The following MAF variants were observed in gnomAD, a reference collection of about 807,000 sequenced individuals.
MAF encodes the protein transcription factor Maf.
A neutral mutation model predicts 22.0 loss-of-function variants in MAF; 10 were observed. The ratio of observed to expected loss-of-function variants is 0.45; its 90% CI spans 0.28 to 0.77. The LOEUF (loss-of-function observed/expected upper bound fraction) is 0.77. Among genes scored for constraint, MAF ranks in the 30% least tolerant of loss-of-function variants. The pLI, the probability that MAF is intolerant of heterozygous loss-of-function variation, is 0.12. For missense variants in MAF, 544 were observed against 548.4 expected (o/e 0.99, Z 0.08); for synonymous variants, 337 against 255.8 (o/e 1.32, Z -3.03).
chr16:79,364,812 T>A, the MAF span, among the ~76,000 whole-genome samples: 1 of 152,200 alleles, frequency 6.6e-6, no homozygotes, highest in Admixed American at 6.5e-5. Flanking sequence ...AACTATTGCA[T>A]GTGTAGAATG....
the MAF span, among the ~76,000 whole-genome samples, chr16:79,326,216 C>G: frequency 3.3e-5 from 5 of 152,124 alleles, no homozygotes; most frequent in African/African-American, 9.7e-5. Context: ...AGAATTTATG[C>G]CTCCCTGCAG....
the MAF span, among the ~76,000 whole-genome samples, chr16:79,251,316 CTT>C: frequency 7.6e-6 from 1 of 131,702 alleles, no homozygotes; most frequent in Non-Finnish European, 1.6e-5. Flanking sequence ...AAGTCTTTAT[CTT>C]TTTTTTTTTT....
At chr16:79,262,443 C>G in the MAF span, among the ~76,000 whole-genome samples, 3 of 152,158 alleles carry the variant, frequency 2.0e-5, no homozygotes, top group African/African-American at 7.2e-5. Context: ...GCTAGATGCT[C>G]TGGACCTGGG....
At chr16:79,291,069 C>T in the MAF span, among the ~76,000 whole-genome samples, 1 of 152,176 alleles carries the variant, frequency 6.6e-6, no homozygotes, top group Non-Finnish European at 1.5e-5. Flanking sequence ...CTTTTTTCCA[C>T]ATCTCCCATA....
the MAF span, among the ~76,000 whole-genome samples, chr16:79,524,700 C>A: frequency 6.6e-6 from 1 of 152,096 alleles, no homozygotes; most frequent in African/African-American, 2.4e-5. Flanking sequence ...TTTCACTGGC[C>A]AAATATAGAA....
chr16:79,378,583 G>C, the MAF span, among the ~76,000 whole-genome samples: 2 of 152,124 alleles, frequency 1.3e-5, no homozygotes, highest in East Asian at 3.9e-4. Flanking sequence ...ATTCAAAATA[G>C]AGATAATGCT....
At chr16:79,261,048 G>A in the MAF span, among the ~76,000 whole-genome samples, 1 of 152,128 alleles carries the variant, frequency 6.6e-6, no homozygotes, top group Non-Finnish European at 1.5e-5. Context: ...GAGGGCTGGG[G>A]CTGCAGGCGA....
At chr16:79,436,885 C>T in the MAF span, among the ~76,000 whole-genome samples, 9 of 152,322 alleles carry the variant, frequency 5.9e-5, no homozygotes, top group East Asian at 1.9e-4. Context: ...CAACACTTAG[C>T]GCAGGCAGGC....
At chr16:79,580,843 A>G (rs1157453636), downstream of MAF, among the ~76,000 whole-genome samples, 1 of 152,186 alleles carries the variant, frequency 6.6e-6, no homozygotes, top group Non-Finnish European at 1.5e-5. Context: ...GAAAAATTTT[A>G]AAATAAGAAG....
chr16:79,591,449 A>G (rs976131961), downstream of MAF, among the ~76,000 whole-genome samples: 2 of 152,172 alleles, frequency 1.3e-5, no homozygotes, highest in African/African-American at 2.4e-5. Context: ...GAGGAATGTG[A>G]TTTTGCAATC....
chr16:79,281,406 A>T, the MAF span, among the ~76,000 whole-genome samples: 1 of 152,316 alleles, frequency 6.6e-6, no homozygotes, highest in South Asian at 2.1e-4. Context: ...AAAGAGAGCC[A>T]TAGGGTACTT....
chr16:79,385,598 G>A, the MAF span, among the ~76,000 whole-genome samples: 2 of 152,154 alleles, frequency 1.3e-5, no homozygotes, highest in Non-Finnish European at 2.9e-5. Flanking sequence ...TTAAAAGTTT[G>A]TTAATTAATA....
intron 1 of MAF, chr16:79,598,375 A>G (rs1913699185): frequency 8.4e-7 from 1 of 1,187,772 alleles, no homozygotes; most frequent in Non-Finnish European, 1.1e-6. Flanking sequence ...GCAGGCTTCA[A>G]AGGTGATCAA....
the MAF span, among the ~76,000 whole-genome samples, chr16:79,535,873 A>T: frequency 6.6e-6 from 1 of 152,142 alleles, no homozygotes; most frequent in African/African-American, 2.4e-5. Context: ...ACCCGGCTGC[A>T]TTGCTACTTT....
At chr16:79,543,927 C>A in the MAF span, among the ~76,000 whole-genome samples, 1 of 152,104 alleles carries the variant, frequency 6.6e-6, no homozygotes, top group African/African-American at 2.4e-5. Context: ...ACCTCGTGAT[C>A]CACCCGCCTC....
the MAF span, among the ~76,000 whole-genome samples, chr16:79,503,561 G>C: frequency 6.6e-6 from 1 of 152,118 alleles, no homozygotes; most frequent in African/African-American, 2.4e-5. Context: ...GCCTTCTTTT[G>C]ATCATTCTTT....
the MAF span, among the ~76,000 whole-genome samples, chr16:79,540,868 C>CGCT: frequency 3.6e-3 from 544 of 152,060 alleles, 5 homozygotes; most frequent in African/African-American, 0.013. Context: ...CTGCAGTGCA[C>CGCT]AATCTAGGTT....
chr16:79,310,507 T>C, the MAF span, among the ~76,000 whole-genome samples: 14 of 152,192 alleles, frequency 9.2e-5, no homozygotes, highest in Non-Finnish European at 1.3e-4. Context: ...TTTAGTAATT[T>C]ATTGCTTTCA....
At chr16:79,397,164 C>T in the MAF span, among the ~76,000 whole-genome samples, 5 of 152,334 alleles carry the variant, frequency 3.3e-5, no homozygotes, top group South Asian at 8.3e-4. Flanking sequence ...ATACAACCTA[C>T]TGTTTGAATT....
Sources: gnomAD v4.1 joint callset for allele counts (sites outside exome capture counted in the v4.1 genomes callset) on GRCh38, gnomAD v4.1.1 for gene constraint, MANE v1.5 for transcripts, NCBI Gene and HGNC (gene_info 2026-07-23, HGNC 2026-07-21) for gene names.